The following SPAG17 variants were observed in gnomAD, a reference collection of about 807,000 sequenced individuals.
SPAG17 encodes sperm-associated antigen 17.
A neutral mutation model predicts 273.6 loss-of-function variants in SPAG17; 169 were observed. The ratio of observed to expected loss-of-function variants is 0.62; its 90% confidence interval spans 0.55 to 0.70. The LOEUF is 0.70. SPAG17 is among the 30% of genes least tolerant of loss of function. The pLI, the probability that SPAG17 is intolerant of heterozygous loss-of-function variation, is 0.00. For synonymous variants in SPAG17, 825 were observed against 873.2 expected (o/e 0.94, Z 0.97); for missense variants, 2,557 against 2,627.8 (o/e 0.97, Z 0.59).
Position 117,996,664 on chromosome 1 carries a change from T to C in SPAG17, c.4856A>G (p.Tyr1619Cys), listed in dbSNP as rs749929558. The C allele has an allele frequency of 8.7e-6, 14 of 1,612,814 alleles. No homozygotes were observed. Among genetic ancestry groups the C allele is most frequent in the African/African-American group, 2.7e-5 (2 of 74,862 alleles). ...EDDLNEKTEG[Y>C]DSLSSMHLEK... ...AAGGTGCATAGAGGACAGACTATCA[T>C]AGCCCTCAGTTTTCTCATTTAAATC... is the stretch of plus-strand genomic sequence containing the variant. The change falls in exon 33 of 49, where the codon TAT becomes TGT. Residue 1619 changes from tyrosine (Y) to cysteine (C), a missense_variant. Transcript: ENST00000336338.
chr1:118,053,951 T>G, intron 20 of SPAG17, 51 bp downstream of exon 20: 1 of 1,337,418 alleles, frequency 7.5e-7, no homozygotes, highest in East Asian at 2.3e-5. Flanking sequence ...TATCCTGTTG[T>G]GTAATACTTT....
chr1:118,005,393 C>T, intron 32 of SPAG17, 21 bp downstream of exon 32: 1 of 1,577,172 alleles, frequency 6.3e-7, no homozygotes. Flanking sequence ...GCTCTCTCTC[C>T]ATACCAAAGG....
intron 17 of SPAG17, among the ~76,000 whole-genome samples, chr1:118,068,566 T>C (rs2102070809): frequency 6.6e-6 from 1 of 152,314 alleles, no homozygotes; most frequent in East Asian, 1.9e-4. Flanking sequence ...CTATAGCTGC[T>C]CTCAATCAAT....
intron 43 of SPAG17, among the ~76,000 whole-genome samples, chr1:117,973,850 G>A (rs865836126): frequency 6.6e-6 from 1 of 151,962 alleles, no homozygotes; most frequent in African/African-American, 2.4e-5. Context: ...AGAGTCCCCG[G>A]CATCTCTTGT....
In SPAG17 at chr1:118,101,926, C is replaced by T. The variant is rs1397965194; in HGVS notation, c.448G>A (p.Val150Ile). ...TCTAACTTAGGTTTGTCTTCTATTA[C>T]CTGGAATGAGAGAACACTTTTTTCT... is the stretch of plus-strand genomic sequence containing the variant. The part of the protein sequence containing the change: ...DQQRRENEKK[V>I]IEDKPKLEKD... The change falls in exon 5 of 49, where the codon GTA (valine) becomes ATA (isoleucine). Residue 150 changes from valine to isoleucine, a missense_variant and splice_region_variant. Coordinates refer to ENST00000336338, the MANE Select transcript of SPAG17 (RefSeq NM_206996.4). The T allele has an allele frequency of 1.2e-6, 2 of 1,609,280 alleles. No individual in the cohort carries two copies. Among genetic ancestry groups the T allele is most frequent in the Non-Finnish European group, 1.7e-6 (2 of 1,178,608 alleles).
chr1:118,117,920 T>G (rs1657187072), intron 3 of SPAG17, among the ~76,000 whole-genome samples: 1 of 152,232 alleles, frequency 6.6e-6, no homozygotes, highest in African/African-American at 2.4e-5. Flanking sequence ...AAAATGAAAG[T>G]CTATGCTGAA....
chr1:118,097,609 G>A (rs1655791884), intron 7 of SPAG17, 61 bp downstream of exon 7: 1 of 1,336,104 alleles, frequency 7.5e-7, no homozygotes, highest in Non-Finnish European at 1.0e-6. Context: ...AATAAATGGA[G>A]CAAATAGAAC....
chr1:118,035,227 C>T (rs1455057545), intron 24 of SPAG17, among the ~76,000 whole-genome samples: 1 of 152,056 alleles, frequency 6.6e-6, no homozygotes, highest in Non-Finnish European at 1.5e-5. Context: ...ACACTATAAA[C>T]ATTTTCAAAT....
intron 17 of SPAG17, among the ~76,000 whole-genome samples, chr1:118,067,369 T>C (rs1653088570): frequency 6.6e-6 from 1 of 152,136 alleles, no homozygotes; most frequent in African/African-American, 2.4e-5. Flanking sequence ...GGAAAGTAAT[T>C]AGGTTTGATG....
At chr1:118,032,635 C>T (rs1165158601) in intron 24 of SPAG17, among the ~76,000 whole-genome samples, 1 of 151,896 alleles carries the variant, frequency 6.6e-6, no homozygotes, top group Non-Finnish European at 1.5e-5. Flanking sequence ...CACTCTGTCA[C>T]CCAGGCTGGA....
intron 45 of SPAG17, among the ~76,000 whole-genome samples, chr1:117,970,762 G>T (rs1296605852): frequency 3.9e-5 from 6 of 152,172 alleles, no homozygotes; most frequent in Non-Finnish European, 5.9e-5. Context: ...CTTGCTGTCT[G>T]CTCTATCGTG....
intron 1 of SPAG17, among the ~76,000 whole-genome samples, chr1:118,161,928 A>G (rs937330538): frequency 6.6e-6 from 1 of 152,186 alleles, no homozygotes; most frequent in African/African-American, 2.4e-5. Context: ...TGGTGTATGT[A>G]GTCAAAGGCA....
At chr1:118,036,633 A>G (rs1649121028) in intron 24 of SPAG17, 137 bp downstream of exon 24, 2 of 621,392 alleles carry the variant, frequency 3.2e-6, no homozygotes, top group Non-Finnish European at 5.8e-6. Context: ...CACCTCTTCT[A>G]TTACCATCCT....
At chr1:118,018,546 C>T (rs1167263558) in intron 28 of SPAG17, among the ~76,000 whole-genome samples, 1 of 151,984 alleles carries the variant, frequency 6.6e-6, no homozygotes, top group African/African-American at 2.4e-5. Flanking sequence ...AAGAAATGCA[C>T]TATTGGCCAG....
Position 118,089,354 on chromosome 1 carries a change from T to TGTGTGTGTGTGTGTGTGTGTGTGTGA in SPAG17, c.1359+2251_1359+2252insTCACACACACACACACACACACACAC, listed in dbSNP as rs1207965049. On this transcript the variant is annotated intron_variant, in intron 10 of 48. Transcript: ENST00000336338. The stretch of plus-strand genomic sequence containing the variant: ...TGACGTGTGTGTGTGTGTGTGTGTG[T>TGTGTGTGTGTGTGTGTGTGTGTGTGA]GGTGGCAGGTAGGAGGTGAGATGAC... Among the ~76,000 whole-genome samples the TGTGTGTGTGTGTGTGTGTGTGTGTGA allele has an allele frequency of 4.9e-3, 740 of 150,724 alleles. 6 individuals are homozygous for TGTGTGTGTGTGTGTGTGTGTGTGTGA. The highest frequency in any genetic ancestry group is 0.013 in the African/African-American group (544 of 41,024).
Position 118,067,890 on chromosome 1 carries a change from G to A in SPAG17, c.2386-991C>T, listed in dbSNP as rs576190642. ...GTGAGTGGTCTTTCTGACACATACC[G>A]TTTCTACCTGCCTTCCAACTCTGGC... On this transcript the variant is annotated intron_variant, in intron 17 of 48. Coordinates refer to ENST00000336338, the MANE Select transcript of SPAG17 (RefSeq NM_206996.4). Among the ~76,000 whole-genome samples, 172 of 152,098 alleles carry A rather than the reference G, an allele frequency of 1.1e-3. 1 individual carries two copies. Among genetic ancestry groups the A allele is most frequent in the Non-Finnish European group, 2.1e-3 (144 of 67,990 alleles).
chr1:117,984,121 C>A (rs1403210759), intron 41 of SPAG17, among the ~76,000 whole-genome samples: 1 of 152,188 alleles, frequency 6.6e-6, no homozygotes, highest in African/African-American at 2.4e-5. Context: ...CTGAAATTTT[C>A]ATAGAAATGC....
At chr1:118,014,119 T>C (rs1426355414) in intron 29 of SPAG17, among the ~76,000 whole-genome samples, 1 of 152,222 alleles carries the variant, frequency 6.6e-6, no homozygotes, top group Admixed American at 6.5e-5. Flanking sequence ...CTGTGTGACC[T>C]TGGGCAAATT....
intron 15 of SPAG17, among the ~76,000 whole-genome samples, chr1:118,075,930 A>G (rs186461836): frequency 8.0e-4 from 121 of 151,930 alleles, no homozygotes; most frequent in Non-Finnish European, 1.4e-3. Context: ...TGTTTTTTTT[A>G]TCATAGCATG....
Sources: allele counts gnomAD v4.1 joint callset (sites outside exome capture counted in the v4.1 genomes callset), GRCh38; gene constraint gnomAD v4.1.1; transcripts MANE v1.5; gene names NCBI Gene and HGNC (gene_info 2026-07-23, HGNC 2026-07-21).